OSBPL10: variants seen among roughly 807,000 people sequenced by gnomAD.
OSBPL10 encodes the protein oxysterol binding protein like 10.
A neutral mutation model predicts 81.7 loss-of-function variants in OSBPL10; 49 were observed. The ratio of observed to expected loss-of-function variants is 0.60; its 90% CI spans 0.48 to 0.76. The LOEUF is 0.76. Among genes scored for constraint, OSBPL10 ranks in the 30% least tolerant of loss-of-function variants. The pLI is 0.00. For synonymous variants in OSBPL10, 419 were observed against 383.6 expected, an observed-to-expected ratio of 1.09 and a Z score of -1.08; for missense variants, 923 against 987.8, an observed-to-expected ratio of 0.93 and a Z score of 0.88.
intron 4 of OSBPL10, among the ~76,000 whole-genome samples, chr3:31,775,068 T>C (rs1227850061): frequency 6.6e-6 from 1 of 150,744 alleles, no homozygotes; most frequent in African/African-American, 2.4e-5. Flanking sequence ...TCAGTGGGGG[T>C]GGCTGAGGCA....
intron 4 of OSBPL10, among the ~76,000 whole-genome samples, chr3:31,769,289 C>CA (rs550827467): frequency 2.6e-4 from 40 of 151,078 alleles, no homozygotes; most frequent in Admixed American, 1.5e-3. Flanking sequence ...CTAAAAAACA[C>CA]AAAAAATTAG....
At chr3:31,851,351 C>T (rs969305653) in intron 3 of OSBPL10, among the ~76,000 whole-genome samples, 1 of 152,234 alleles carries the variant, frequency 6.6e-6, no homozygotes, top group African/African-American at 2.4e-5. Context: ...ATGCTCCCCT[C>T]CAATCCCACT....
Position 31,905,345 on chromosome 3 carries a change from A to ATTTTTTTTTTTTT in OSBPL10, c.282-25528_282-25516dup, listed in dbSNP as rs386396290. ...GAGCTCTATGTCAAGGAACCTGGTG[A>ATTTTTTTTTTTTT]TTTTTTTTTTTTTTTTTTTTTTTAG... is the stretch of plus-strand genomic sequence containing the variant. On this transcript the variant is annotated intron_variant, in intron 1 of 11. Coordinates refer to ENST00000396556, the MANE Select transcript of OSBPL10 (RefSeq NM_017784.5). Among the ~76,000 whole-genome samples the ATTTTTTTTTTTTT allele has an allele frequency of 3.8e-4, 36 of 94,818 alleles. 4 individuals are homozygous for ATTTTTTTTTTTTT. Among genetic ancestry groups the ATTTTTTTTTTTTT allele is most frequent in the African/African-American group, 6.1e-4 (13 of 21,288 alleles). The allele number at this position is 94,818 out of a possible 152,430, so 62.2% of individuals were successfully genotyped here.
At chr3:31,687,519 T>C (rs2125557609) in intron 7 of OSBPL10, among the ~76,000 whole-genome samples, 1 of 152,118 alleles carries the variant, frequency 6.6e-6, no homozygotes, top group African/African-American at 2.4e-5. Flanking sequence ...CTTGGAACCC[T>C]GAGTCACGGA....
intron 4 of OSBPL10, among the ~76,000 whole-genome samples, chr3:31,757,817 C>A (rs891456513): frequency 6.6e-6 from 1 of 152,076 alleles, no homozygotes; most frequent in African/African-American, 2.4e-5. Context: ...CTGTAGAAGA[C>A]CAAAAATATA....
chr3:31,792,541 G>T (rs1168725289), intron 4 of OSBPL10, among the ~76,000 whole-genome samples: 3 of 152,138 alleles, frequency 2.0e-5, no homozygotes, highest in Non-Finnish European at 4.4e-5. Flanking sequence ...CGGGGCGGAG[G>T]GGGGTGGTGG....
At chr3:31,956,694 C>T (rs540852117) in intron 1 of OSBPL10, among the ~76,000 whole-genome samples, 44 of 152,122 alleles carry the variant, frequency 2.9e-4, no homozygotes, top group African/African-American at 1.0e-3. Flanking sequence ...CGCCATTGCA[C>T]TCCAACCTGG....
intron 2 of OSBPL10, among the ~76,000 whole-genome samples, chr3:32,002,725 C>G (rs949048413): frequency 9.2e-5 from 14 of 152,222 alleles, no homozygotes; most frequent in African/African-American, 3.4e-4. Flanking sequence ...CTCAGTGAGT[C>G]AGAAGGCACT....
chr3:32,023,361 G>A (rs1699375225), intron 2 of OSBPL10, among the ~76,000 whole-genome samples: 1 of 152,082 alleles, frequency 6.6e-6, no homozygotes, highest in Non-Finnish European at 1.5e-5. Context: ...CATGTAAGAT[G>A]TCCGTGTGCT....
rs1366896027 is a variant in OSBPL10, at chr3:31,683,899, A to C, written c.1461T>G (p.Phe487Leu). ...CCTTGGGAACTTCCCAGGAGCAGTG[A>C]AATGTCTCGCCTATGATGGGGTTGT... ...KPYNPIIGETFHCSWEVPKDR... is the reference protein window; with the variant it reads ...KPYNPIIGETLHCSWEVPKDR... The change falls in exon 8 of 12, where the codon TTT becomes TTG. Residue 487 changes from phenylalanine to leucine, a missense_variant. This residue lies in a region of OSBPL10 where 387 missense variants were observed against 436.3 expected (regional missense o/e 0.89). Coordinates refer to ENST00000396556, the MANE Select transcript of OSBPL10 (RefSeq NM_017784.5). 1 of 1,614,244 alleles carries C rather than the reference A, an allele frequency of 6.2e-7. No homozygotes were observed. The highest frequency in any genetic ancestry group is 1.1e-5 in the South Asian group (1 of 91,090).
chr3:31,835,733 GATTAT>G (rs1488541166), intron 3 of OSBPL10, among the ~76,000 whole-genome samples: 1 of 152,104 alleles, frequency 6.6e-6, no homozygotes, highest in Admixed American at 6.5e-5. Flanking sequence ...AAAATCATTT[GATTAT>G]ATTTCTTCTC....
intron 6 of OSBPL10, among the ~76,000 whole-genome samples, chr3:31,724,600 G>A (rs181750240): frequency 1.5e-4 from 21 of 139,828 alleles, no homozygotes; most frequent in African/African-American, 5.2e-4. Flanking sequence ...AAAAGGAAGA[G>A]AGGAGGAGAA....
chr3:31,805,776 T>C (rs1405402524), intron 4 of OSBPL10, among the ~76,000 whole-genome samples: 2 of 152,188 alleles, frequency 1.3e-5, no homozygotes, highest in East Asian at 1.9e-4. Flanking sequence ...TTGAGGTCCA[T>C]AGGCTCAGGC....
chr3:31,779,770 G>A (rs763345643), intron 4 of OSBPL10, among the ~76,000 whole-genome samples: 2 of 151,866 alleles, frequency 1.3e-5, no homozygotes, highest in African/African-American at 2.4e-5. Context: ...ATCAGCACTT[G>A]GAATACTCAA....
chr3:31,859,605 C>T (rs1437068844), intron 3 of OSBPL10, among the ~76,000 whole-genome samples: 1 of 152,216 alleles, frequency 6.6e-6, no homozygotes, highest in Non-Finnish European at 1.5e-5. Context: ...TTTGCCCTTT[C>T]ACTTTCTGCC....
chr3:31,986,339 C>G (rs1377717668), intron 2 of OSBPL10: 1 of 152,244 alleles, frequency 6.6e-6, no homozygotes. Context: ...GTTCTTGCTG[C>G]CTGAACTTCA....
chr3:31,881,048 C>T (rs1267008022), intron 1 of OSBPL10, among the ~76,000 whole-genome samples: 1 of 152,188 alleles, frequency 6.6e-6, no homozygotes, highest in Non-Finnish European at 1.5e-5. Flanking sequence ...ATGGTTCCTA[C>T]CCCTTCTTGC....
chr3:31,974,120 T>C (rs1360967269), intron 1 of OSBPL10, among the ~76,000 whole-genome samples: 1 of 152,074 alleles, frequency 6.6e-6, no homozygotes, highest in Non-Finnish European at 1.5e-5. Flanking sequence ...AACAGATAAA[T>C]GGGCAGAGGA....
intron 3 of OSBPL10, among the ~76,000 whole-genome samples, chr3:31,847,906 C>T (rs528146336): frequency 2.6e-5 from 4 of 152,198 alleles, no homozygotes; most frequent in East Asian, 3.9e-4. Context: ...AGACACACAG[C>T]GGGGCTGCCT....
Sources: allele counts gnomAD v4.1 joint callset (sites outside exome capture counted in the v4.1 genomes callset), GRCh38; gene constraint gnomAD v4.1.1; regional missense constraint gnomAD v4.1.1; transcripts MANE v1.5; gene names NCBI Gene and HGNC (gene_info 2026-07-23, HGNC 2026-07-21).